The following CEP72 variants were observed in gnomAD, a reference collection of about 807,000 sequenced individuals.
CEP72 encodes the protein centrosomal protein of 72 kDa.
Under a neutral mutation model 65.7 loss-of-function variants are expected in CEP72, and 78 were observed. The observed-to-expected ratio is 1.19, with a 90% CI of 0.99 to 1.43. The LOEUF (loss-of-function observed/expected upper bound fraction) is 1.43, where lower values mean the gene tolerates loss of function less well. Ranked by LOEUF, CEP72 falls within the 40% of genes most tolerant of loss-of-function variation. The pLI, the probability that CEP72 is intolerant of heterozygous loss-of-function variation, is 0.00. For missense variants in CEP72, 914 were observed against 832.9 expected, an observed-to-expected ratio of 1.10 and a Z score of -1.20; for synonymous variants, 358 against 351.7, an observed-to-expected ratio of 1.02 and a Z score of -0.20.
At chr5:637,188 C>T (rs1469909892) in intron 6 of CEP72, among the ~76,000 whole-genome samples, 1 of 152,218 alleles carries the variant, frequency 6.6e-6, no homozygotes, top group Non-Finnish European at 1.5e-5. Context: ...GTTGTTGAAG[C>T]GTACTGCACG....
chr5:659,347 ACTTT>A (rs1431114791), downstream of CEP72, among the ~76,000 whole-genome samples: 3 of 152,246 alleles, frequency 2.0e-5, no homozygotes, highest in African/African-American at 7.2e-5. Context: ...TCTTTGCTCC[ACTTT>A]CTTCACAAAC....
In CEP72 at chr5:623,132, G is replaced by A. The variant is rs192430938; in HGVS notation, c.404-1339G>A. ...CTTAGTGTTTCTGCAGAGAGTTTCT[G>A]CAGAGAAGGAGCGCAGCCGTCTCCC... On this transcript the variant is annotated intron_variant, in intron 3 of 11. Transcript: ENST00000264935. The surrounding 1 kb of genome is among the most constrained non-coding windows in gnomAD (Gnocchi z 5.3). Among the ~76,000 whole-genome samples, 5 of 151,884 alleles carry A rather than the reference G, an allele frequency of 3.3e-5. No individual in the cohort carries two copies. The highest frequency in any genetic ancestry group is 1.2e-4 in the African/African-American group (5 of 41,398).
intron 11 of CEP72, among the ~76,000 whole-genome samples, chr5:652,365 T>G (rs2126831583): frequency 6.6e-6 from 1 of 152,316 alleles, no homozygotes; most frequent in South Asian, 2.1e-4. Context: ...TGCCCATCTC[T>G]GTGGCTAATG....
At chr5:648,215 G>A (rs1226488960) in intron 11 of CEP72, among the ~76,000 whole-genome samples, 1 of 150,702 alleles carries the variant, frequency 6.6e-6, no homozygotes. Context: ...TGTGAGATGG[G>A]ACTGTGAGGT....
chr5:669,076 C>CG (rs986086533), downstream of CEP72, among the ~76,000 whole-genome samples: 28 of 152,354 alleles, frequency 1.8e-4, no homozygotes, highest in African/African-American at 5.3e-4. Context: ...ACCAAGTGCT[C>CG]GGGGTCCCAC....
Position 645,644 on chromosome 5 carries a change from C to T in CEP72, c.1666+1219C>T, listed in dbSNP as rs576513504. Among the ~76,000 whole-genome samples the T allele has an allele frequency of 6.6e-5, 10 of 152,166 alleles. No individual in the cohort carries two copies. The highest frequency in any genetic ancestry group is 2.2e-4 in the African/African-American group (9 of 41,438). ...TGCAGGCACCAGCCGCCCTGCTGTG[C>T]GATGGCATCTGATCAGCACTGGTAC... is the stretch of plus-strand genomic sequence containing the variant. On this transcript the variant is annotated intron_variant, in intron 10 of 11. Transcript: ENST00000264935. This position sits in a 1 kb window ranked among gnomAD's most constrained non-coding sequence, Gnocchi z 4.0.
intron 4 of CEP72, among the ~76,000 whole-genome samples, chr5:626,575 T>C (rs987339217): frequency 5.9e-5 from 9 of 152,230 alleles, no homozygotes; most frequent in African/African-American, 2.2e-4. Context: ...ATCTCAGTGC[T>C]TTGGGAGGCC....
the CEP72 span, among the ~76,000 whole-genome samples, chr5:673,163 T>TCAACA: frequency 0.056 from 8,440 of 152,054 alleles, 590 homozygotes; most frequent in African/African-American, 0.16. Flanking sequence ...CAAAAGCAAC[T>TCAACA]CCCACAGGCC....
intron 11 of CEP72, among the ~76,000 whole-genome samples, chr5:651,544 G>A (rs1034719668): frequency 9.2e-5 from 14 of 152,018 alleles, no homozygotes; most frequent in Admixed American, 2.6e-4. Context: ...TGCGTGTTCA[G>A]TTGGAAACAC....
chr5:641,245 A>AG (rs1364895794), intron 9 of CEP72: 3 of 985,210 alleles, frequency 3.0e-6, no homozygotes, highest in Non-Finnish European at 3.6e-6. Context: ...CCACGCTGCA[A>AG]GGGCCTCCCC....
At chr5:668,895 C>T (rs1345067141), downstream of CEP72, among the ~76,000 whole-genome samples, 1 of 152,182 alleles carries the variant, frequency 6.6e-6, no homozygotes, top group Non-Finnish European at 1.5e-5. Context: ...GCCAAGTGGC[C>T]AGGCTTGGAG....
chr5:666,381 TG>T (rs1739915001), intron 4 of CEP72, among the ~76,000 whole-genome samples: 1 of 152,230 alleles, frequency 6.6e-6, no homozygotes, highest in Non-Finnish European at 1.5e-5. Flanking sequence ...TGCACTCTGC[TG>T]GGGCAGTGCC....
Position 628,867 on chromosome 5 carries a change from G to A in CEP72, c.512+4288G>A, listed in dbSNP as rs561297961. Among the ~76,000 whole-genome samples the A allele has an allele frequency of 2.0e-3, 139 of 68,780 alleles. 11 individuals carry two copies. The highest frequency in any genetic ancestry group is 9.7e-3 in the African/African-American group (108 of 11,098). 45.1% of individuals were successfully genotyped at this position (68,780 alleles called of 152,430 possible). A position where few individuals can be genotyped will look rare whatever the true frequency, so the allele number is the denominator to read the frequency against. ...GACCCAGCGCCCTTCTTTGTGCAGC[G>A]TTCTGGAGAACTCAGGTTGCCGTCC... On this transcript the variant is annotated intron_variant, in intron 4 of 11. Transcript: ENST00000264935.
At chr5:651,854 A>G (rs1580044832) in intron 11 of CEP72, among the ~76,000 whole-genome samples, 1 of 87,854 alleles carries the variant, frequency 1.1e-5, no homozygotes, top group Admixed American at 1.4e-4. Context: ...CTTTCCCCCG[A>G]CCTCCCATTC....
chr5:665,857 GT>G, intron 3 of CEP72: 1 of 455,792 alleles, frequency 2.2e-6, no homozygotes, highest in Non-Finnish European at 2.6e-6. Context: ...CCCCCCCCAG[GT>G]CACGCCCCCA....
chr5:654,332 G>GCT (rs1300740990), downstream of CEP72, among the ~76,000 whole-genome samples: 1 of 137,506 alleles, frequency 7.3e-6, no homozygotes, highest in Non-Finnish European at 1.6e-5. Flanking sequence ...TTGTGTGTGC[G>GCT]CTGTGTGTGC....
At chr5:634,400 G>C (rs189263338) in intron 5 of CEP72, among the ~76,000 whole-genome samples, 53 of 152,370 alleles carry the variant, frequency 3.5e-4, no homozygotes, top group African/African-American at 1.2e-3. Context: ...ACTGGGATGT[G>C]CTGATGGGCT....
rs116006473 is a variant in CEP72 at position 628,302 on chromosome 5, C to T, written c.512+3723C>T. Among the ~76,000 whole-genome samples the T allele has an allele frequency of 1.4e-3, 218 of 152,346 alleles. 2 individuals carry two copies. Among genetic ancestry groups the T allele is most frequent in the African/African-American group, 5.0e-3 (206 of 41,578 alleles). On this transcript the variant is annotated intron_variant, in intron 4 of 11. Transcript: ENST00000264935. ...AGATGACGTGGGTCAATGTCCATAC[C>T]GCACAGAGGAGGTGGGGGACGCCCA...
chr5:649,094 A>G (rs1188801004), intron 11 of CEP72, among the ~76,000 whole-genome samples: 3 of 126,540 alleles, frequency 2.4e-5, no homozygotes, highest in Non-Finnish European at 3.2e-5. Flanking sequence ...GTGAGGTGTG[A>G]CTGTGAGGTG....
Sources: gnomAD v4.1 joint callset for allele counts (sites outside exome capture counted in the v4.1 genomes callset) on GRCh38, gnomAD v4.1.1 for gene constraint, Gnocchi (gnomAD v3.1) non-coding constraint, MANE v1.5 for transcripts, NCBI Gene and HGNC (gene_info 2026-07-23, HGNC 2026-07-21) for gene names.